PPP1R9A: variants seen among roughly 807,000 people sequenced by gnomAD.
PPP1R9A encodes the protein protein phosphatase 1 regulatory subunit 9A, also known as neurabin-1.
A neutral mutation model predicts 141.9 loss-of-function variants in PPP1R9A; 59 were observed. The observed-to-expected ratio is 0.42, with a 90% CI of 0.34 to 0.52. The LOEUF (loss-of-function observed/expected upper bound fraction) is 0.52. Ranked by LOEUF, PPP1R9A falls within the 20% of genes least tolerant of loss-of-function variation. PPP1R9A has a pLI of 0.10. For synonymous variants in PPP1R9A, 500 were observed against 569.7 expected (o/e 0.88, Z 1.74); for missense variants, 1,444 against 1,611.9 (o/e 0.90, Z 1.78).
intron 5 of PPP1R9A, among the ~76,000 whole-genome samples, chr7:95,167,358 G>A (rs1213154527): frequency 6.6e-6 from 1 of 152,134 alleles, no homozygotes; most frequent in Non-Finnish European, 1.5e-5. Flanking sequence ...AATTGAAGAT[G>A]AGATTTGGGT....
At chr7:94,956,848 A>G (rs964147230) in intron 2 of PPP1R9A, among the ~76,000 whole-genome samples, 2 of 152,302 alleles carry the variant, frequency 1.3e-5, no homozygotes, top group Non-Finnish European at 2.9e-5. Flanking sequence ...AATAGAAATC[A>G]ACCAGATGAG....
chr7:95,110,949 C>A (rs1343703883), intron 2 of PPP1R9A, among the ~76,000 whole-genome samples: 1 of 152,100 alleles, frequency 6.6e-6, no homozygotes, highest in South Asian at 2.1e-4. Context: ...AACAGCAGAG[C>A]GTTCCAGCTA....
At chr7:95,051,094 A>G (rs1338440738) in intron 2 of PPP1R9A, among the ~76,000 whole-genome samples, 2 of 151,330 alleles carry the variant, frequency 1.3e-5, no homozygotes, top group Admixed American at 1.3e-4. Context: ...TGCATCTTAC[A>G]TTTTTACATT....
At chr7:95,275,709 A>G (rs999731718) in intron 16 of PPP1R9A, among the ~76,000 whole-genome samples, 2 of 152,210 alleles carry the variant, frequency 1.3e-5, no homozygotes, top group African/African-American at 4.8e-5. Flanking sequence ...CCACTTCTCC[A>G]CTTCATGGGT....
chr7:95,013,164 C>T (rs1804660412), intron 2 of PPP1R9A, among the ~76,000 whole-genome samples: 3 of 152,066 alleles, frequency 2.0e-5, no homozygotes, highest in African/African-American at 7.2e-5. Flanking sequence ...TCTTGTGAGC[C>T]TTTGTCATTT....
chr7:95,183,448 C>CTTTTTT (rs766642929), intron 5 of PPP1R9A, among the ~76,000 whole-genome samples: 2 of 103,028 alleles, frequency 1.9e-5, no homozygotes, highest in Non-Finnish European at 3.7e-5. Flanking sequence ...CAAAAATATT[C>CTTTTTT]TTTTTTTTTT....
intron 2 of PPP1R9A, among the ~76,000 whole-genome samples, chr7:94,921,784 T>C (rs190490944): frequency 6.6e-6 from 1 of 152,136 alleles, no homozygotes; most frequent in Non-Finnish European, 1.5e-5. Flanking sequence ...TTATATAATA[T>C]TCTATGTCCA....
At chr7:94,976,443 C>T (rs999549326) in intron 2 of PPP1R9A, among the ~76,000 whole-genome samples, 8 of 150,154 alleles carry the variant, frequency 5.3e-5, no homozygotes, top group Admixed American at 2.0e-4. Context: ...TGGGTTCAGG[C>T]GATTCTCCTG....
rs527960957 is a variant in PPP1R9A, at chr7:95,151,916, A to C, written c.1650-9951A>C. Among the ~76,000 whole-genome samples the C allele has an allele frequency of 2.0e-5, 3 of 147,432 alleles. No homozygotes were observed. In the East Asian group the frequency reaches 6.1e-4, roughly 30 times the overall value. ...TTTTTACATTAATAAAGGAAGTGAT[A>C]ATGTCAGCACATAGTACTGAGAATC... is the stretch of plus-strand genomic sequence containing the variant. On this transcript the variant is annotated intron_variant, in intron 4 of 19. Coordinates refer to ENST00000433360, the MANE Select transcript of PPP1R9A (RefSeq NM_001166160.2).
chr7:95,236,711 G>A (rs1345531249), intron 8 of PPP1R9A, among the ~76,000 whole-genome samples: 2 of 150,262 alleles, frequency 1.3e-5, no homozygotes, highest in East Asian at 2.0e-4. Flanking sequence ...AAAAAACAAA[G>A]ACCAATATTT....
At chr7:95,015,211 C>G (rs929827626) in intron 2 of PPP1R9A, among the ~76,000 whole-genome samples, 27 of 110,550 alleles carry the variant, frequency 2.4e-4, no homozygotes, top group African/African-American at 9.7e-4. Flanking sequence ...TATATGTACA[C>G]ACACGAATAT....
chr7:95,166,252 A>G (rs1436449163), intron 5 of PPP1R9A, among the ~76,000 whole-genome samples: 1 of 152,168 alleles, frequency 6.6e-6, no homozygotes, highest in Non-Finnish European at 1.5e-5. Context: ...GGAAAGTAGA[A>G]TATTGACTGG....
intron 2 of PPP1R9A, among the ~76,000 whole-genome samples, chr7:95,024,082 A>T (rs1027058520): frequency 6.6e-6 from 1 of 151,968 alleles, no homozygotes; most frequent in Non-Finnish European, 1.5e-5. Context: ...TTTCCATGTA[A>T]TTGTGTGGTT....
intron 5 of PPP1R9A, among the ~76,000 whole-genome samples, chr7:95,196,109 A>G (rs1585190961): frequency 6.6e-6 from 1 of 151,954 alleles, no homozygotes; most frequent in African/African-American, 2.4e-5. Flanking sequence ...ATTTTTGTCT[A>G]TAAAGAACAA....
At chr7:95,054,603 G>C (rs1008559172) in intron 2 of PPP1R9A, among the ~76,000 whole-genome samples, 3 of 151,982 alleles carry the variant, frequency 2.0e-5, no homozygotes, top group Non-Finnish European at 2.9e-5. Context: ...GTGGTTACTG[G>C]AGCTATAAGG....
intron 5 of PPP1R9A, among the ~76,000 whole-genome samples, chr7:95,181,702 TATATATATATTCCGTCACATATATATAGA>T (rs1168933576): frequency 1.5e-5 from 2 of 129,612 alleles, no homozygotes; most frequent in African/African-American, 5.9e-5. Flanking sequence ...ATATATAGAA[TATATATATATTCCGTCACATATATATAGA>T]ATATATATAT....
rs371580541 is a variant in PPP1R9A, at chr7:95,187,195, CTCA to C, written c.1755-11152_1755-11150del. On this transcript the variant is annotated intron_variant, in intron 5 of 19. Coordinates refer to ENST00000433360, the MANE Select transcript of PPP1R9A (RefSeq NM_001166160.2). ...TAAAATTACTATTTCAATCTTATTACTCATTATTGATCTGATCAGAGTTTTCAT... is the reference window on the plus strand; with the variant it reads ...TAAAATTACTATTTCAATCTTATTACTTATTGATCTGATCAGAGTTTTCAT... Among the ~76,000 whole-genome samples, 648 of 152,132 alleles carry C rather than the reference CTCA, an allele frequency of 4.3e-3. 4 individuals are homozygous for C. Among genetic ancestry groups the C allele is most frequent in the African/African-American group, 0.014 (585 of 41,528 alleles).
intron 2 of PPP1R9A, among the ~76,000 whole-genome samples, chr7:94,915,082 C>T (rs2150635434): frequency 6.6e-6 from 1 of 152,248 alleles, no homozygotes; most frequent in East Asian, 1.9e-4. Context: ...TTCTAACTCA[C>T]AGTAAGAAGG....
chr7:94,918,331 C>T (rs996154019), intron 2 of PPP1R9A, among the ~76,000 whole-genome samples: 1 of 151,924 alleles, frequency 6.6e-6, no homozygotes, highest in Non-Finnish European at 1.5e-5. Flanking sequence ...ATACTCCTGA[C>T]AGATGATGTT....
Sources: allele counts gnomAD v4.1 joint callset (sites outside exome capture counted in the v4.1 genomes callset), GRCh38; gene constraint gnomAD v4.1.1; transcripts MANE v1.5; gene names NCBI Gene and HGNC (gene_info 2026-07-23, HGNC 2026-07-21).